GRIK2: variants seen among roughly 807,000 people sequenced by gnomAD.
The protein encoded by GRIK2 is glutamate receptor ionotropic, kainate 2.
A neutral mutation model predicts 100.3 loss-of-function variants in GRIK2; 32 were observed. The ratio of observed to expected loss-of-function variants is 0.32; its 90% CI spans 0.24 to 0.43. The LOEUF (loss-of-function observed/expected upper bound fraction) is 0.43, where lower values mean the gene tolerates loss of function less well. Among genes scored for constraint, GRIK2 ranks in the 20% least tolerant of loss-of-function variants. The probability of loss-of-function intolerance (pLI) is 1.00; values close to 1 mark genes in which losing one functional copy is unlikely to be tolerated. For missense variants in GRIK2, 843 were observed against 1,114.9 expected (o/e 0.76, Z 3.47); for synonymous variants, 417 against 389.4 (o/e 1.07, Z -0.83).
chr6:101,457,545 A>G, intron 2 of GRIK2, among the ~76,000 whole-genome samples: 1 of 152,122 alleles, frequency 6.6e-6, no homozygotes, highest in Admixed American at 6.6e-5. Context: ...TCATGGCTAA[A>G]CCTGCTTTAA....
chr6:101,807,545 G>A (rs1331785785), intron 9 of GRIK2, among the ~76,000 whole-genome samples: 1 of 151,956 alleles, frequency 6.6e-6, no homozygotes, highest in East Asian at 1.9e-4. Context: ...TCAAAGGCAA[G>A]CAGGGGAGTG....
intron 5 of GRIK2, among the ~76,000 whole-genome samples, chr6:101,679,358 A>G (rs1316469527): frequency 6.6e-6 from 1 of 152,190 alleles, no homozygotes; most frequent in Non-Finnish European, 1.5e-5. Flanking sequence ...GTGTTAATTC[A>G]TCATATAGCA....
intron 14 of GRIK2, among the ~76,000 whole-genome samples, chr6:101,997,077 TTCTA>T (rs1251628658): frequency 6.6e-6 from 1 of 152,124 alleles, no homozygotes; most frequent in Non-Finnish European, 1.5e-5. Flanking sequence ...AAAGTGTTAG[TTCTA>T]TCTTTTTTCT....
At chr6:101,942,254 C>A (rs983154371) in intron 14 of GRIK2, among the ~76,000 whole-genome samples, 1 of 152,108 alleles carries the variant, frequency 6.6e-6, no homozygotes, top group Non-Finnish European at 1.5e-5. Flanking sequence ...ATCATGGGGG[C>A]ATTTTCTAAT....
Position 102,001,351 on chromosome 6 carries a change from C to T in GRIK2, c.2086-33990C>T, listed in dbSNP as rs564268180. On this transcript the variant is annotated intron_variant, in intron 14 of 16. Transcript: ENST00000369134. ...AGGTATTTGTCCCAATGCTCTCCCTCTCCTTGTTCCCCACCCCCCGACAGG... is the reference window on the plus strand; with the variant it reads ...AGGTATTTGTCCCAATGCTCTCCCTTTCCTTGTTCCCCACCCCCCGACAGG... 3.3e-5 allele frequency among the ~76,000 whole-genome samples: 5 copies of T among 152,038 alleles called. No individual in the cohort carries two copies. The South Asian group carries it at 6.2e-4, about 19-fold the overall frequency.
At chr6:101,646,370 T>C (rs2518292) in intron 4 of GRIK2, among the ~76,000 whole-genome samples, 2,195 of 152,072 alleles carry the variant, frequency 0.014, 39 homozygotes, top group African/African-American at 0.038. Context: ...GATTTACATA[T>C]GTTGCTGAAT....
chr6:101,719,373 C>T (rs1402825231), intron 7 of GRIK2, among the ~76,000 whole-genome samples: 3 of 151,758 alleles, frequency 2.0e-5, no homozygotes, highest in Non-Finnish European at 2.9e-5. Context: ...ACTTTCACTG[C>T]TAGCCAAACT....
chr6:101,562,514 GT>G (rs142650148), intron 2 of GRIK2, among the ~76,000 whole-genome samples: 4 of 151,194 alleles, frequency 2.6e-5, no homozygotes, highest in Non-Finnish European at 4.4e-5. Context: ...AATTTTTGTA[GT>G]TTTTTTTAGT....
At chr6:101,900,614 A>G (rs1001992364) in intron 12 of GRIK2, among the ~76,000 whole-genome samples, 5 of 150,288 alleles carry the variant, frequency 3.3e-5, no homozygotes, top group South Asian at 2.1e-4. Context: ...GTTTGATACA[A>G]TAGAGTGTCT....
intron 14 of GRIK2, among the ~76,000 whole-genome samples, chr6:102,006,291 A>C (rs1339791730): frequency 6.8e-6 from 1 of 147,720 alleles, no homozygotes; most frequent in South Asian, 2.1e-4. Context: ...GAAGGAGGCT[A>C]TCTTTTATTT....
intron 7 of GRIK2, among the ~76,000 whole-genome samples, chr6:101,790,712 CG>C (rs778307077): frequency 5.4e-5 from 8 of 148,478 alleles, no homozygotes; most frequent in Admixed American, 2.0e-4. Flanking sequence ...CAGGATGATG[CG>C]GGCCTCATAA....
intron 2 of GRIK2, among the ~76,000 whole-genome samples, chr6:101,518,276 C>T (rs566550477): frequency 5.9e-5 from 9 of 152,150 alleles, no homozygotes; most frequent in Admixed American, 3.9e-4. Context: ...AATGACACTT[C>T]GGTGTGTGAT....
intron 11 of GRIK2, among the ~76,000 whole-genome samples, chr6:101,867,589 T>A (rs1785131141): frequency 6.6e-6 from 1 of 151,728 alleles, no homozygotes. Context: ...ATTGAATATA[T>A]ATTCTGAGAA....
At chr6:101,629,563 G>T (rs1167585865) in intron 4 of GRIK2, among the ~76,000 whole-genome samples, 1 of 152,020 alleles carries the variant, frequency 6.6e-6, no homozygotes, top group East Asian at 1.9e-4. Flanking sequence ...CAGACCAATT[G>T]TTGCCTCTTA....
chr6:101,596,896 C>A (rs1258948756), intron 2 of GRIK2, among the ~76,000 whole-genome samples: 1 of 151,622 alleles, frequency 6.6e-6, no homozygotes, highest in Non-Finnish European at 1.5e-5. Flanking sequence ...AGGCTATATA[C>A]CCAAAGGAAA....
At chr6:101,600,731 A>G (rs1779172152) in intron 2 of GRIK2, among the ~76,000 whole-genome samples, 1 of 151,498 alleles carries the variant, frequency 6.6e-6, no homozygotes, top group Non-Finnish European at 1.5e-5. Context: ...TTGGTGTGTA[A>G]AATGTTACTG....
chr6:101,678,286 A>G (rs1770987750), intron 5 of GRIK2, among the ~76,000 whole-genome samples: 1 of 152,140 alleles, frequency 6.6e-6, no homozygotes, highest in South Asian at 2.1e-4. Context: ...GACTTCTATT[A>G]GATATATTTA....
intron 16 of GRIK2, among the ~76,000 whole-genome samples, chr6:102,059,110 A>G (rs1165558846): frequency 6.6e-6 from 1 of 151,278 alleles, no homozygotes; most frequent in East Asian, 1.9e-4. Context: ...ATTAATATGC[A>G]AAGTTTCACA....
chr6:101,778,680 G>T (rs2128400828), intron 7 of GRIK2, among the ~76,000 whole-genome samples: 1 of 152,136 alleles, frequency 6.6e-6, no homozygotes, highest in Non-Finnish European at 1.5e-5. Flanking sequence ...AAAATTTTTA[G>T]TACATCTGAG....
Sources: gnomAD v4.1 joint callset for allele counts (sites outside exome capture counted in the v4.1 genomes callset) on GRCh38, gnomAD v4.1.1 for gene constraint, MANE v1.5 for transcripts, NCBI Gene and HGNC (gene_info 2026-07-23, HGNC 2026-07-21) for gene names.